The following SOX6 variants were observed in gnomAD, a reference collection of about 807,000 sequenced individuals.
SOX6 encodes the protein transcription factor SOX-6.
Under a neutral mutation model 97.8 loss-of-function variants are expected in SOX6, and 11 were observed. The ratio of observed to expected loss-of-function variants is 0.11; its 90% CI spans 0.07 to 0.19. SOX6 has a LOEUF of 0.19. Ranked by LOEUF, SOX6 falls within the 10% of genes least tolerant of loss-of-function variation. SOX6 has a pLI of 1.00. For synonymous variants in SOX6, 360 were observed against 371.4 expected (o/e 0.97, Z 0.35); for missense variants, 810 against 1,039.5 (o/e 0.78, Z 3.04).
chr11:16,632,826 C>G (rs1175855410), intron 3 of SOX6, among the ~76,000 whole-genome samples: 1 of 152,210 alleles, frequency 6.6e-6, no homozygotes, highest in African/African-American at 2.4e-5. Context: ...CCCCCTGCAC[C>G]AAGATTTCTG....
At chr11:16,336,720 G>A (rs879858536) in intron 2 of SOX6, among the ~76,000 whole-genome samples, 2 of 152,110 alleles carry the variant, frequency 1.3e-5, no homozygotes, top group Non-Finnish European at 2.9e-5. Context: ...TGTAGCCTAT[G>A]AGACTCCATA....
In SOX6 at chr11:16,605,552, G is replaced by A. The variant is rs1276405780; in HGVS notation, n.609+6529C>T. 1.3e-5 allele frequency among the ~76,000 whole-genome samples: 2 copies of A among 152,166 alleles called. No homozygotes were observed. The highest frequency in any genetic ancestry group is 2.9e-5 in the Non-Finnish European group (2 of 68,046). On this transcript the variant is annotated intron_variant and non_coding_transcript_variant, in intron 4 of 5. Transcript: ENST00000524520. This position sits in a 1 kb window ranked among gnomAD's most constrained non-coding sequence, Gnocchi z 5.3. ...TGTCCCGAAAAAGTTGCGGCGGAGC[G>A]GCGGTGGGGTGAGGGTGGGAGGAGG...
intron 3 of SOX6, 29 bp downstream of exon 3, chr11:16,318,413 AAAAC>A (rs771208756): frequency 6.2e-7 from 1 of 1,610,300 alleles, no homozygotes; most frequent in Non-Finnish European, 8.5e-7. Flanking sequence ...TAGAAGAAAA[AAAAC>A]AGAGCCCAAC....
intron 1 of SOX6, among the ~76,000 whole-genome samples, chr11:16,451,115 C>T (rs1156487220): frequency 1.3e-5 from 2 of 151,874 alleles, no homozygotes; most frequent in East Asian, 3.9e-4. Context: ...GCCTGTAGTC[C>T]CAGCTGCTTG....
chr11:16,438,280 C>G (rs1287213287), intron 1 of SOX6, among the ~76,000 whole-genome samples: 6 of 151,972 alleles, frequency 3.9e-5, no homozygotes, highest in Non-Finnish European at 7.4e-5. Flanking sequence ...TATACATCAA[C>G]TTGAAATTAT....
At chr11:16,697,637 C>A (rs919363805) in intron 3 of SOX6, among the ~76,000 whole-genome samples, 1 of 152,192 alleles carries the variant, frequency 6.6e-6, no homozygotes, top group Non-Finnish European at 1.5e-5. Flanking sequence ...TTTCTACTTA[C>A]TTTGCTCACA....
intron 3 of SOX6, among the ~76,000 whole-genome samples, chr11:16,267,205 TTA>T (rs934387897): frequency 1.8e-5 from 1 of 57,082 alleles, no homozygotes; most frequent in Non-Finnish European, 4.2e-5. Context: ...TACGTTAAAA[TTA>T]AAAAAAAACT....
intron 1 of SOX6, chr11:16,465,868 ACT>A (rs1388215876): frequency 1.3e-5 from 2 of 151,992 alleles, no homozygotes; most frequent in Non-Finnish European, 2.9e-5. Flanking sequence ...TCCAAAGAAA[ACT>A]CCACCCACAT....
chr11:16,173,874 A>G (rs1851108126), intron 6 of SOX6, among the ~76,000 whole-genome samples: 1 of 151,296 alleles, frequency 6.6e-6, no homozygotes, highest in South Asian at 2.1e-4. Context: ...ATTTAGAGAC[A>G]GAGTCTTTCT....
chr11:16,334,341 T>A (rs1488811034), intron 2 of SOX6, among the ~76,000 whole-genome samples: 1 of 152,148 alleles, frequency 6.6e-6, no homozygotes, highest in African/African-American at 2.4e-5. Context: ...CACATGTTAA[T>A]GACTGGAGTG....
intron 9 of SOX6, among the ~76,000 whole-genome samples, chr11:16,085,623 G>A (rs1384270394): frequency 1.3e-5 from 2 of 152,104 alleles, no homozygotes; most frequent in Admixed American, 6.5e-5. Flanking sequence ...TCTCACCAGC[G>A]TTAATTAAAT....
intron 11 of SOX6, among the ~76,000 whole-genome samples, 182 bp from the exon 12 acceptor site, chr11:16,046,883 G>C (rs923714639): frequency 9.9e-5 from 15 of 152,082 alleles, no homozygotes; most frequent in African/African-American, 3.4e-4. Flanking sequence ...AGCTGTGCTG[G>C]GTTCTTTTAG....
chr11:16,721,078 C>T lies in SOX6; in HGVS notation n.354-6173G>A, dbSNP rs1036579474. On this transcript the variant is annotated intron_variant and non_coding_transcript_variant, in intron 2 of 5. Transcript: ENST00000524520. ...TACCCAGGTGAAGGACGCGAATGGG[C>T]CTGAGGCCCAACTTAGGACAATCTC... Among the ~76,000 whole-genome samples, 7 of 152,098 alleles carry T rather than the reference C, an allele frequency of 4.6e-5. No individual in the cohort carries two copies. The South Asian group carries it at 1.5e-3, about 32-fold the overall frequency.
chr11:16,716,903 T>C (rs145693956), intron 2 of SOX6, among the ~76,000 whole-genome samples: 13 of 152,156 alleles, frequency 8.5e-5, no homozygotes, highest in African/African-American at 2.4e-4. Context: ...GAGGGGGTCA[T>C]AGTAATTGGG....
intron 9 of SOX6, among the ~76,000 whole-genome samples, chr11:16,077,506 G>A (rs192402107): frequency 6.6e-6 from 1 of 152,154 alleles, no homozygotes; most frequent in Non-Finnish European, 1.5e-5. Context: ...AGACACACAC[G>A]TGTATGTTCA....
intron 1 of SOX6, among the ~76,000 whole-genome samples, chr11:16,416,865 A>G (rs7932807): frequency 0.34 from 51,228 of 152,106 alleles, 9,158 homozygotes; most frequent in Non-Finnish European, 0.4. Context: ...TTAAATGTCA[A>G]CTAGTAATTG....
At chr11:16,666,795 CA>C (rs1223862410) in intron 3 of SOX6, among the ~76,000 whole-genome samples, 10 of 133,110 alleles carry the variant, frequency 7.5e-5, no homozygotes, top group Admixed American at 2.3e-4. Context: ...GACACCATCT[CA>C]AAAAAAAAAG....
intron 2 of SOX6, among the ~76,000 whole-genome samples, chr11:16,720,666 A>C (rs1483714981): frequency 6.7e-6 from 1 of 149,764 alleles, no homozygotes; most frequent in Non-Finnish European, 1.5e-5. Context: ...CACATTGTGC[A>C]CATGTACCCT....
intron 12 of SOX6, among the ~76,000 whole-genome samples, chr11:16,043,218 T>A (rs750493063): frequency 6.6e-6 from 1 of 152,144 alleles, no homozygotes. Flanking sequence ...TATAGTATGA[T>A]CTAATTGCAC....
Sources: allele counts gnomAD v4.1 joint callset (sites outside exome capture counted in the v4.1 genomes callset), GRCh38; gene constraint gnomAD v4.1.1; non-coding constraint Gnocchi (gnomAD v3.1); transcripts MANE v1.5; gene names NCBI Gene and HGNC (gene_info 2026-07-23, HGNC 2026-07-21).